TMEM272: variants seen among roughly 807,000 people sequenced by gnomAD.
TMEM272 encodes long intergenic non-protein coding RNA 282.
Under a neutral mutation model 3.7 loss-of-function variants are expected in TMEM272, and 8 were observed. That is an observed-to-expected ratio of 2.17 (90% confidence interval 1.27 to 3.91). The LOEUF (loss-of-function observed/expected upper bound fraction) is 3.91, where lower values mean the gene tolerates loss of function less well. Ranked by LOEUF, TMEM272 falls within the 30% of genes most tolerant of loss-of-function variation. The pLI is 0.00. For synonymous variants in TMEM272, 63 were observed against 39.8 expected, an observed-to-expected ratio of 1.58 and a Z score of -2.20; for missense variants, 166 against 91.5, an observed-to-expected ratio of 1.81 and a Z score of -3.32.
At chr13:51,865,918 T>A in the TMEM272 span, 1 of 1,613,644 alleles carries the variant, frequency 6.2e-7, no homozygotes, top group Non-Finnish European at 8.5e-7. Flanking sequence ...TGTGGGAAGA[T>A]AAAACGTCCC....
rs1956027828 is a variant in TMEM272 at position 51,816,556 on chromosome 13, A to T, written c.*195T>A. 1 of 518,916 alleles carries T rather than the reference A, an allele frequency of 1.9e-6. No individual in the cohort carries two copies. Among genetic ancestry groups the T allele is most frequent in the South Asian group, 3.1e-5 (1 of 32,634 alleles). The allele number at this position is 518,916 out of a possible 1,614,324, so 32.1% of individuals were successfully genotyped here. ...GTGATTTCCCCATGTCTAGGAAGGC[A>T]AGAGTTTCTTTAGTCTGCTATTATA... On this transcript the variant is annotated 3_prime_UTR_variant, in exon 5 of 5. Coordinates refer to ENST00000629372, the MANE Select transcript of TMEM272 (RefSeq NM_001351003.2).
At chr13:51,860,984 T>C in the TMEM272 span, among the ~76,000 whole-genome samples, 1 of 151,982 alleles carries the variant, frequency 6.6e-6, no homozygotes, top group Non-Finnish European at 1.5e-5. Context: ...TTGCAGCATG[T>C]ATATAAAGTG....
chr13:51,872,755 T>C, the TMEM272 span, among the ~76,000 whole-genome samples: 2 of 152,238 alleles, frequency 1.3e-5, no homozygotes, highest in Non-Finnish European at 1.5e-5. Flanking sequence ...GATTTCTCAA[T>C]GACACCACTG....
chr13:51,831,606 A>G (rs1285073924), intron 2 of TMEM272, among the ~76,000 whole-genome samples: 1 of 152,182 alleles, frequency 6.6e-6, no homozygotes, highest in Non-Finnish European at 1.5e-5. Context: ...GGCCTTCTTT[A>G]CCACTTGGTC....
the TMEM272 span, among the ~76,000 whole-genome samples, chr13:51,856,087 G>A: frequency 7.2e-5 from 11 of 152,196 alleles, no homozygotes; most frequent in Non-Finnish European, 1.5e-5. Context: ...ATGATTTGGT[G>A]GGCAGGGGAC....
the TMEM272 span, among the ~76,000 whole-genome samples, chr13:51,871,194 T>G: frequency 1.5e-5 from 1 of 68,218 alleles, no homozygotes; most frequent in East Asian, 6.0e-4. Context: ...GAGTATGACT[T>G]TTTTTTTTTT....
At chr13:51,818,961 C>G (rs1411576256) in intron 4 of TMEM272, among the ~76,000 whole-genome samples, 1 of 152,152 alleles carries the variant, frequency 6.6e-6, no homozygotes, top group Non-Finnish European at 1.5e-5. Flanking sequence ...CCTCTTTGAC[C>G]ACTGTCTACA....
chr13:51,816,400 C>T lies in TMEM272; in HGVS notation c.*351G>A, dbSNP rs1002757287. On this transcript the variant is annotated 3_prime_UTR_variant, in exon 5 of 5. Coordinates refer to ENST00000629372, the MANE Select transcript of TMEM272 (RefSeq NM_001351003.2). Reference sequence around the variant, plus strand: ...GCAACAACCAACCTTGCTCTTGCACCAGTCATTGAAATTGCACTATGATTT... The same window carrying T: ...GCAACAACCAACCTTGCTCTTGCACTAGTCATTGAAATTGCACTATGATTT... 7.9e-5 allele frequency: 16 copies of T among 202,722 alleles called. No homozygotes were observed. Among genetic ancestry groups the T allele is most frequent in the African/African-American group, 3.0e-4 (13 of 43,914 alleles). The allele number at this position is 202,722 out of a possible 1,614,324, so 12.6% of individuals were successfully genotyped here.
chr13:51,825,108 G>C (rs1417783188), intron 3 of TMEM272, among the ~76,000 whole-genome samples: 2 of 152,200 alleles, frequency 1.3e-5, no homozygotes, highest in Non-Finnish European at 2.9e-5. Flanking sequence ...GAAGAACAGA[G>C]CCATATAATA....
chr13:51,848,754 A>C (rs940861271), upstream of TMEM272, among the ~76,000 whole-genome samples: 1 of 152,192 alleles, frequency 6.6e-6, no homozygotes, highest in African/African-American at 2.4e-5. Context: ...GTGCACCTCC[A>C]AAAGGAGCAA....
the TMEM272 span, among the ~76,000 whole-genome samples, chr13:51,913,136 C>T: frequency 1.3e-5 from 2 of 152,202 alleles, no homozygotes; most frequent in East Asian, 1.9e-4. Context: ...GCTAACGCTT[C>T]GTGTGGAATG....
At chr13:51,832,830 C>G (rs1325421355) in intron 2 of TMEM272, among the ~76,000 whole-genome samples, 1 of 152,210 alleles carries the variant, frequency 6.6e-6, no homozygotes, top group Non-Finnish European at 1.5e-5. Context: ...GCTATTCATT[C>G]TTGCATTCGA....
chr13:51,833,994 G>A (rs1371979510), intron 2 of TMEM272, among the ~76,000 whole-genome samples: 1 of 152,138 alleles, frequency 6.6e-6, no homozygotes, highest in Non-Finnish European at 1.5e-5. Context: ...TCCCTGCAGT[G>A]TCCAAAAGGA....
the TMEM272 span, chr13:51,932,833 T>A: frequency 6.6e-6 from 1 of 152,214 alleles, no homozygotes; most frequent in African/African-American, 2.4e-5. Flanking sequence ...ACAACGTTTA[T>A]GGTCCTAAAA....
chr13:51,890,030 C>T, the TMEM272 span, among the ~76,000 whole-genome samples: 7 of 152,174 alleles, frequency 4.6e-5, no homozygotes, highest in East Asian at 3.9e-4. Flanking sequence ...CTCCATGGGG[C>T]GCAGTCCAAG....
At chr13:51,854,592 G>A in the TMEM272 span, among the ~76,000 whole-genome samples, 1 of 152,182 alleles carries the variant, frequency 6.6e-6, no homozygotes. Context: ...TATGGTCTCT[G>A]AGCAAAACTG....
At chr13:51,832,408 T>C (rs1333379175) in intron 2 of TMEM272, among the ~76,000 whole-genome samples, 1 of 152,186 alleles carries the variant, frequency 6.6e-6, no homozygotes, top group African/African-American at 2.4e-5. Context: ...GATCTTTTGC[T>C]TAGTTTAGTG....
At chr13:51,908,935 G>A in the TMEM272 span, 1 of 1,385,692 alleles carries the variant, frequency 7.2e-7, no homozygotes, top group Non-Finnish European at 1.0e-6. Flanking sequence ...TGGTGGTCCA[G>A]AGGATTCCCT....
chr13:51,903,640 T>C, the TMEM272 span, among the ~76,000 whole-genome samples: 1 of 152,236 alleles, frequency 6.6e-6, no homozygotes, highest in Non-Finnish European at 1.5e-5. Context: ...AGATGCTAAG[T>C]TAAACACCCA....
Sources: allele counts gnomAD v4.1 joint callset (sites outside exome capture counted in the v4.1 genomes callset), GRCh38; gene constraint gnomAD v4.1.1; transcripts MANE v1.5; gene names NCBI Gene and HGNC (gene_info 2026-07-23, HGNC 2026-07-21).